KIF2C: variants seen among roughly 807,000 people sequenced by gnomAD.
KIF2C encodes kinesin family member 2C, also known as kinesin-like protein KIF2C.
Under a neutral mutation model 97.4 loss-of-function variants are expected in KIF2C, and 34 were observed. The ratio of observed to expected loss-of-function variants is 0.35; its 90% confidence interval spans 0.27 to 0.46. KIF2C has a LOEUF of 0.46. Among genes scored for constraint, KIF2C ranks in the 20% least tolerant of loss-of-function variants. KIF2C has a pLI of 1.00. For synonymous variants in KIF2C, 313 were observed against 318.2 expected (o/e 0.98, Z 0.17); for missense variants, 750 against 907.6 (o/e 0.83, Z 2.23).
intron 13 of KIF2C, 79 bp downstream of exon 13, chr1:44,758,219 G>A: frequency 7.8e-7 from 1 of 1,283,614 alleles, no homozygotes; most frequent in Non-Finnish European, 1.1e-6. Flanking sequence ...AGAAGTTGAG[G>A]CCAAAAACCT....
Position 44,760,764 on chromosome 1 carries a change from C to T in KIF2C, c.1683+62C>T. On this transcript the variant is annotated intron_variant, in intron 16 of 20. Coordinates refer to ENST00000372224, the MANE Select transcript of KIF2C (RefSeq NM_006845.4). The surrounding 1 kb of genome is among the most constrained non-coding windows in gnomAD (Gnocchi z 4.2). ...GAGACAGAGTTGCTTTCCACAGAGA[C>T]ACTTAGTCCTGTCCCTGGGCTGGAA... The T allele has an allele frequency of 4.5e-6, 6 of 1,331,268 alleles. No individual in the cohort carries two copies. Among genetic ancestry groups the T allele is most frequent in the Non-Finnish European group, 1.1e-6 (1 of 930,008 alleles). The allele number at this position is 1,331,268 out of a possible 1,614,324, so 82.5% of individuals were successfully genotyped here. A position where few individuals can be genotyped will look rare whatever the true frequency, so the allele number is the denominator to read the frequency against.
intron 2 of KIF2C, among the ~76,000 whole-genome samples, chr1:44,743,329 T>C (rs1649025717): frequency 6.6e-6 from 1 of 152,206 alleles, no homozygotes. Context: ...CGAAGTTTAG[T>C]TTCCTCATCT....
chr1:44,754,916 A>G (rs1443010426), intron 8 of KIF2C, 71 bp downstream of exon 8: 2 of 909,058 alleles, frequency 2.2e-6, no homozygotes, highest in African/African-American at 1.7e-5. Flanking sequence ...CTTTACAGGA[A>G]TGAGGGCATG....
At chr1:44,742,266 C>T (rs1441378890) in intron 2 of KIF2C, among the ~76,000 whole-genome samples, 1 of 151,940 alleles carries the variant, frequency 6.6e-6, no homozygotes, top group African/African-American at 2.4e-5. Context: ...CCCGCCACTA[C>T]GCCCGGCTAA....
At chr1:44,762,700 C>A in intron 19 of KIF2C, 42 bp downstream of exon 19, 1 of 1,277,594 alleles carries the variant, frequency 7.8e-7, no homozygotes, top group Non-Finnish European at 1.1e-6. Flanking sequence ...TGCAGCACGG[C>A]CCTCAGTATG....
In KIF2C at chr1:44,757,637, C is replaced by T; in HGVS notation, c.1059C>T (p.Gly353=). ...TTGCATATGGCCAGACAGGAAGTGG[C>T]AAGACACATGTGAGTATTGAGGCCT... ...TCFAYGQTGS[G]KTHTMGGDLS... The change falls in exon 11 of 21, where the codon GGC becomes GGT. Residue 353 remains glycine, a synonymous_variant. Transcript: ENST00000372224. 1 of 1,610,076 alleles carries T rather than the reference C, an allele frequency of 6.2e-7. No individual in the cohort carries two copies. The highest frequency in any genetic ancestry group is 8.5e-7 in the Non-Finnish European group (1 of 1,176,348).
At chr1:44,744,584 T>C (rs778267913) in intron 2 of KIF2C, among the ~76,000 whole-genome samples, 7 of 152,196 alleles carry the variant, frequency 4.6e-5, no homozygotes, top group Non-Finnish European at 8.8e-5. Context: ...TGAGAATCAG[T>C]TGATTGTCAG....
At chr1:44,755,422 C>A (rs779780375) in intron 8 of KIF2C, among the ~76,000 whole-genome samples, 4 of 152,152 alleles carry the variant, frequency 2.6e-5, no homozygotes, top group Admixed American at 2.0e-4. Context: ...TGTGCCACCA[C>A]GCCTAGGTAA....
chr1:44,762,062 T>C, intron 17 of KIF2C, 79 bp downstream of exon 17: 1 of 1,321,244 alleles, frequency 7.6e-7, no homozygotes, highest in East Asian at 2.3e-5. Flanking sequence ...GAGGAGGCTC[T>C]GGGGCCTCAG....
At chr1:44,745,946 G>A (rs1487625678) in intron 2 of KIF2C, among the ~76,000 whole-genome samples, 4 of 151,714 alleles carry the variant, frequency 2.6e-5, no homozygotes, top group Non-Finnish European at 5.9e-5. Context: ...GCGGGATCTC[G>A]GCTCACTGCA....
chr1:44,752,793 G>C (rs1251781527), intron 5 of KIF2C, among the ~76,000 whole-genome samples: 3 of 152,184 alleles, frequency 2.0e-5, no homozygotes, highest in African/African-American at 4.8e-5. Context: ...AGTCAGAAAG[G>C]CCTGGCTTTT....
intron 19 of KIF2C, among the ~76,000 whole-genome samples, chr1:44,763,791 G>A (rs961906949): frequency 4.6e-5 from 7 of 152,090 alleles, no homozygotes; most frequent in Non-Finnish European, 7.4e-5. Context: ...ATCCCAACAC[G>A]TTGGGAGGCC....
intron 6 of KIF2C, 75 bp downstream of exon 6, chr1:44,753,329 C>G: frequency 6.7e-7 from 1 of 1,492,352 alleles, no homozygotes; most frequent in Admixed American, 2.1e-5. Flanking sequence ...TAAACCTGGC[C>G]TACCTTGGCA....
Position 44,759,360 on chromosome 1 carries a change from G to A in KIF2C, c.1367+12G>A. The A allele has an allele frequency of 6.2e-7, 1 of 1,613,904 alleles. No homozygotes were observed. The highest frequency in any genetic ancestry group is 2.2e-5 in the East Asian group (1 of 44,882). On this transcript the variant is annotated intron_variant, in intron 14 of 20. Coordinates refer to ENST00000372224, the MANE Select transcript of KIF2C (RefSeq NM_006845.4). ...GGCAGCGCCTGCAGGTGAGAGTCCT[G>A]GTGAGGGGAAGGAGCGACCTTCTCA...
chr1:44,750,421 C>T, intron 4 of KIF2C, 21 bp from the exon 5 acceptor site: 1 of 1,425,750 alleles, frequency 7.0e-7, no homozygotes. Flanking sequence ...CACTGACTGG[C>T]TACTGCTCTC....
intron 14 of KIF2C, among the ~76,000 whole-genome samples, chr1:44,759,695 A>C (rs529388000): frequency 5.9e-5 from 9 of 152,312 alleles, no homozygotes; most frequent in Admixed American, 3.3e-4. Context: ...TCTCAAAAAA[A>C]TAAAAATAAA....
intron 16 of KIF2C, among the ~76,000 whole-genome samples, chr1:44,761,343 C>T (rs1336598864): frequency 1.3e-5 from 2 of 152,040 alleles, no homozygotes; most frequent in Admixed American, 6.6e-5. Context: ...CGGTGGCTCA[C>T]GCCTGTAATC....
chr1:44,739,869 C>T lies in KIF2C; in HGVS notation c.-64C>T, dbSNP rs1018451052. 2.7e-6 allele frequency: 4 copies of T among 1,472,410 alleles called. No homozygotes were observed. Among genetic ancestry groups the T allele is most frequent in the African/African-American group, 1.4e-5 (1 of 71,896 alleles). 91.2% of individuals were successfully genotyped at this position (1,472,410 alleles called of 1,614,324 possible). On this transcript the variant is annotated 5_prime_UTR_variant, in exon 1 of 21. Transcript: ENST00000372224. ...GGCGGTTTACGCGGCGTTAAGACTT[C>T]GTAGGGTTAGCGAAATTGAGGTTTC...
chr1:44,761,976 G>A lies in KIF2C; in HGVS notation c.1744G>A (p.Ala582Thr). ...CEYTLNTLRYADRVKELSPHS... is the reference protein window; with the variant it reads ...CEYTLNTLRYTDRVKELSPHS... ...ATATACTTTAAACACCCTGAGATAT[G>A]CAGACAGGTACTAGTACCTACAGCT... The change falls in exon 17 of 21, where the codon GCA becomes ACA. Residue 582 changes from alanine to threonine, a missense_variant. By Grantham distance (58) the Ala-to-Thr change is moderately conservative. Transcript: ENST00000372224. 2 of 1,613,860 alleles carry A rather than the reference G, an allele frequency of 1.2e-6. No individual in the cohort carries two copies. Among genetic ancestry groups the A allele is most frequent in the Non-Finnish European group, 1.7e-6 (2 of 1,179,766 alleles).
Sources: allele counts gnomAD v4.1 joint callset (sites outside exome capture counted in the v4.1 genomes callset), GRCh38; gene constraint gnomAD v4.1.1; non-coding constraint Gnocchi (gnomAD v3.1); transcripts MANE v1.5; gene names NCBI Gene and HGNC (gene_info 2026-07-23, HGNC 2026-07-21).